The following SPEG variants were observed in gnomAD, a reference collection of about 807,000 sequenced individuals.
SPEG encodes the protein striated muscle preferentially expressed protein kinase.
In SPEG, 114 loss-of-function variants were observed where a neutral mutation model predicts 300.4. That is an observed-to-expected ratio of 0.38 (90% CI 0.33 to 0.44). The LOEUF (loss-of-function observed/expected upper bound fraction) is 0.44, where lower values mean the gene tolerates loss of function less well. Ranked by LOEUF, SPEG falls within the 20% of genes least tolerant of loss-of-function variation. The pLI is 1.00. For synonymous variants in SPEG, 1,964 were observed against 2,018.9 expected (o/e 0.97, Z 0.73); for missense variants, 4,201 against 4,586.2 (o/e 0.92, Z 2.43).
In SPEG at chr2:219,481,228, C is replaced by T; in HGVS notation, c.5370-76C>T. The stretch of plus-strand genomic sequence containing the variant: ...TCACAACCCCAGAGCCTCCATCTGT[C>T]CCCAGCCCTGTGCCCCCACTGACAT... On this transcript the variant is annotated intron_variant, in intron 26 of 40. Transcript: ENST00000312358. The surrounding 1 kb of genome is among the most constrained non-coding windows in gnomAD (Gnocchi z 5.4). 2.0e-6 allele frequency: 3 copies of T among 1,495,476 alleles called. No individual in the cohort carries two copies. The highest frequency in any genetic ancestry group is 1.8e-6 in the Non-Finnish European group (2 of 1,087,634). The allele number at this position is 1,495,476 out of a possible 1,614,324, so 92.6% of individuals were successfully genotyped here.
rs1693091168 is a variant in SPEG at position 219,483,744 on chromosome 2, G to C, written c.6281G>C (p.Ser2094Thr). The change falls in exon 30 of 41, where the codon AGC becomes ACC. Residue 2094 changes from serine (S) to threonine (T), a missense_variant. Physicochemically the swap from Ser to Thr is moderately conservative, Grantham distance 58. This residue lies in a region of SPEG where 1,578 missense variants were observed against 1,506.0 expected (regional missense o/e 1.05). Coordinates refer to ENST00000312358, the MANE Select transcript of SPEG (RefSeq NM_005876.5). ...VSGLRGPLLE[S>T]LGGRARDPRM... The stretch of plus-strand genomic sequence containing the variant: ...GGCCTCAGGGGTCCCCTGCTGGAGA[G>C]CCTGGGGGGCCGTGCTCGGGACCCC... 1 of 1,539,374 alleles carries C rather than the reference G, an allele frequency of 6.5e-7. No individual in the cohort carries two copies. The highest frequency in any genetic ancestry group is 1.4e-5 in the African/African-American group (1 of 73,352).
rs10932806 is a variant in SPEG at position 219,451,248 on chromosome 2, G to A, written c.2226G>A (p.Lys742=). The part of the protein sequence containing the change: ...VVAPGADVLL[K]CIITANPPPQ... ...CACCAGGGGCAGATGTGCTGCTCAA[G>A]TGTATCATCACTGCCAACCCCCCGC... The change falls in exon 5 of 41, where the codon AAG becomes AAA. Residue 742 remains lysine (K), a synonymous_variant. Coordinates refer to ENST00000312358, the MANE Select transcript of SPEG (RefSeq NM_005876.5). This position sits in a 1 kb window ranked among gnomAD's most constrained non-coding sequence, Gnocchi z 6.4. The A allele has an allele frequency of 0.51, 824,035 of 1,612,870 alleles. 215,961 individuals are homozygous for A. Among genetic ancestry groups the A allele is most frequent in the East Asian group, 0.63 (28,244 of 44,762 alleles).
At chr2:219,472,059 A>C in intron 14 of SPEG, 72 bp downstream of exon 14, 5 of 1,583,134 alleles carry the variant, frequency 3.2e-6, no homozygotes, top group Non-Finnish European at 4.3e-6. Context: ...GCTCAGGGAA[A>C]GGGGCCTCCA....
In SPEG at chr2:219,482,922, G is replaced by A. The variant is rs959434801; in HGVS notation, c.5634+70G>A. The A allele has an allele frequency of 3.5e-5, 53 of 1,516,358 alleles. No homozygotes were observed. In the African/African-American group the frequency reaches 4.1e-4, roughly 12 times the overall value. The allele number at this position is 1,516,358 out of a possible 1,614,324, so 93.9% of individuals were successfully genotyped here. On this transcript the variant is annotated intron_variant, in intron 29 of 40. Coordinates refer to ENST00000312358, the MANE Select transcript of SPEG (RefSeq NM_005876.5). The stretch of plus-strand genomic sequence containing the variant: ...TCTCTAGCACTGCCTTCCCCCTCCC[G>A]TGGGCCTTCATCTCCTGCTCCTGTC...
At position 219,489,877 on chromosome 2, in the gene SPEG, G is replaced by A. The variant is rs773167330; in HGVS notation, c.8859G>A (p.Glu2953=). Residue 2953 remains glutamate (E), a synonymous_variant, in exon 36 of 41, where the codon GAG becomes GAA. Coordinates refer to ENST00000312358, the MANE Select transcript of SPEG (RefSeq NM_005876.5). ...GSSPRSSPRP[E]GTTLRQGPPQ... ...GTCCCCGAAGCTCTCCCAGGCCTGA[G>A]GGTACCACTCTTCGACAGGGTCCCC... is the stretch of plus-strand genomic sequence containing the variant. The A allele has an allele frequency of 1.2e-6, 2 of 1,606,836 alleles. No individual in the cohort carries two copies.
chr2:219,448,647 G>A lies in SPEG; in HGVS notation c.1489G>A (p.Glu497Lys). Residue 497 changes from glutamate (E) to lysine (K), a missense_variant, in exon 4 of 41, where the codon GAG becomes AAG. Physicochemically the swap from Glu to Lys is moderately conservative, Grantham distance 56. Around this residue, in one of 4 missense-constraint regions of SPEG, gnomAD observed 1,258 missense variants for 1,293.9 expected, o/e 0.97. Coordinates refer to ENST00000312358, the MANE Select transcript of SPEG (RefSeq NM_005876.5). ...ASDLELRFAQ[E>K]LGRIRRSTSR... The stretch of plus-strand genomic sequence containing the variant: ...AGACCTCGAGCTGCGCTTCGCCCAG[G>A]AGCTGGGCCGCATCCGCCGCTCCAC... The A allele has an allele frequency of 1.3e-6, 2 of 1,491,348 alleles. No individual in the cohort carries two copies. Among genetic ancestry groups the A allele is most frequent in the Non-Finnish European group, 8.9e-7 (1 of 1,128,800 alleles). 92.4% of individuals were successfully genotyped at this position (1,491,348 alleles called of 1,614,324 possible).
intron 1 of SPEG, among the ~76,000 whole-genome samples, chr2:219,442,921 AAGAAGGCAGGGG>A (rs1689033613): frequency 6.6e-6 from 1 of 152,006 alleles, no homozygotes; most frequent in African/African-American, 2.4e-5. Context: ...GGTACCCTGG[AAGAAGGCAGGGG>A]AGTCATTCCC....
Position 219,451,888 on chromosome 2 carries a change from C to G in SPEG, c.2440+81C>G. The G allele has an allele frequency of 7.3e-7, 1 of 1,377,144 alleles. No individual in the cohort carries two copies. Among genetic ancestry groups the G allele is most frequent in the Non-Finnish European group, 9.7e-7 (1 of 1,035,376 alleles). The allele number at this position is 1,377,144 out of a possible 1,614,324, so 85.3% of individuals were successfully genotyped here. A position where few individuals can be genotyped will look rare whatever the true frequency, so the allele number is the denominator to read the frequency against. On this transcript the variant is annotated intron_variant, in intron 6 of 40. Coordinates refer to ENST00000312358, the MANE Select transcript of SPEG (RefSeq NM_005876.5). The surrounding 1 kb of genome is among the most constrained non-coding windows in gnomAD (Gnocchi z 6.4). The stretch of plus-strand genomic sequence containing the variant: ...GCCCAGGCCCCAGTCCACCTCCCTT[C>G]CCACTCTCAGCCTTGAGCTTGGGCA...
Position 219,444,107 on chromosome 2 carries a change from A to C in SPEG, c.389-546A>C, listed in dbSNP as rs767913415. On this transcript the variant is annotated intron_variant, in intron 1 of 40. Coordinates refer to ENST00000312358, the MANE Select transcript of SPEG (RefSeq NM_005876.5). This position sits in a 1 kb window ranked among gnomAD's most constrained non-coding sequence, Gnocchi z 7.8. ...AGCCCCCCGCATCCCCCCCTTTCCC[A>C]CCCGGCCCCGGCCTCTCCTCACCCT... The C allele has an allele frequency of 9.3e-6, 12 of 1,292,986 alleles. No homozygotes were observed. The highest frequency in any genetic ancestry group is 2.1e-5 in the Admixed American group (1 of 47,358). The allele number at this position is 1,292,986 out of a possible 1,614,324, so 80.1% of individuals were successfully genotyped here. A position where few individuals can be genotyped will look rare whatever the true frequency, so the allele number is the denominator to read the frequency against.
Position 219,493,236 on chromosome 2 carries a change from G to C in SPEG, c.*450G>C. 1 of 366,710 alleles carries C rather than the reference G, an allele frequency of 2.7e-6. No homozygotes were observed. Among genetic ancestry groups the C allele is most frequent in the Middle Eastern group, 7.4e-4 (1 of 1,356 alleles). 22.7% of individuals were successfully genotyped at this position (366,710 alleles called of 1,614,324 possible). Reference sequence around the variant, plus strand: ...AGTCAGTGTGGCAAAGCGGGGGCAGGACACAGATACAGTGGCAGGGGCCCA... The same window carrying C: ...AGTCAGTGTGGCAAAGCGGGGGCAGCACACAGATACAGTGGCAGGGGCCCA... On this transcript the variant is annotated 3_prime_UTR_variant, in exon 41 of 41. Coordinates refer to ENST00000312358, the MANE Select transcript of SPEG (RefSeq NM_005876.5).
Position 219,447,990 on chromosome 2 carries a change from G to T in SPEG, c.832G>T (p.Gly278Trp), listed in dbSNP as rs753254905. The T allele has an allele frequency of 1.2e-6, 2 of 1,612,538 alleles. No homozygotes were observed. The highest frequency in any genetic ancestry group is 1.7e-6 in the Non-Finnish European group (2 of 1,179,888). The change falls in exon 4 of 41, where the codon GGG becomes TGG. Residue 278 changes from glycine to tryptophan, a missense_variant. Physicochemically the swap from Gly to Trp is radical, Grantham distance 184. This residue lies in a region of SPEG where 1,258 missense variants were observed against 1,293.9 expected (regional missense o/e 0.97). Transcript: ENST00000312358. Reference protein sequence around the residue: ...LSIHVSVPQSGLRREEPDLQP... With the variant: ...LSIHVSVPQSWLRREEPDLQP... ...GTTCTGCAGCAGCGTCCCTCAGAGC[G>T]GGTTGCGCAGGGAGGAGCCCGACCT...
rs1439540607 is a variant in SPEG at position 219,464,270 on chromosome 2, A to G, written c.2706-163A>G. On this transcript the variant is annotated intron_variant, in intron 8 of 40. Transcript: ENST00000312358. This position sits in a 1 kb window ranked among gnomAD's most constrained non-coding sequence, Gnocchi z 4.5. ...GTGGGATGGCAGAGTGGGGGTAAAA[A>G]CCTAGCCCTGGAAACCAGGGATGCC... is the stretch of plus-strand genomic sequence containing the variant. Among the ~76,000 whole-genome samples the G allele has an allele frequency of 6.6e-6, 1 of 152,070 alleles. No homozygotes were observed. Among genetic ancestry groups the G allele is most frequent in the Non-Finnish European group, 1.5e-5 (1 of 68,002 alleles).
chr2:219,484,331 C>G lies in SPEG; in HGVS notation c.6868C>G (p.Pro2290Ala). ...ARVASPPPGA[P>A]EKRVPSAGGP... ...GGTGGCCTCCCCACCTCCGGGAGCCCCCGAGAAGCGCGTGCCCTCAGCCGG... is the reference window on the plus strand; with the variant it reads ...GGTGGCCTCCCCACCTCCGGGAGCCGCCGAGAAGCGCGTGCCCTCAGCCGG... Residue 2290 changes from proline to alanine, a missense_variant, in exon 30 of 41, where the codon CCC becomes GCC. Around this residue, in one of 4 missense-constraint regions of SPEG, gnomAD observed 1,578 missense variants for 1,506.0 expected, o/e 1.05. Coordinates refer to ENST00000312358, the MANE Select transcript of SPEG (RefSeq NM_005876.5). 1 of 1,604,302 alleles carries G rather than the reference C, an allele frequency of 6.2e-7. No individual in the cohort carries two copies. The highest frequency in any genetic ancestry group is 8.5e-7 in the Non-Finnish European group (1 of 1,178,636).
In SPEG at chr2:219,455,049, G is replaced by A. The variant is rs367733427; in HGVS notation, c.2440+3242G>A. ...GCCGAGGTTGCAGTAAGCCGAGATC[G>A]TGCCACTGCACTCCAGCCTGGGTGA... is the stretch of plus-strand genomic sequence containing the variant. On this transcript the variant is annotated intron_variant, in intron 6 of 40. Transcript: ENST00000312358. Among the ~76,000 whole-genome samples, 34 of 152,288 alleles carry A rather than the reference G, an allele frequency of 2.2e-4. 3 individuals are homozygous for A. The highest frequency in any genetic ancestry group is 7.9e-4 in the African/African-American group (33 of 41,566).
rs770603711 is a variant in SPEG, at chr2:219,461,969, C to A, written c.2528C>A (p.Thr843Asn). The A allele has an allele frequency of 3.7e-5, 59 of 1,613,648 alleles. No homozygotes were observed. Among genetic ancestry groups the A allele is most frequent in the Non-Finnish European group, 4.7e-5 (55 of 1,179,898 alleles). Residue 843 changes from threonine (T) to asparagine (N), a missense_variant, in exon 7 of 41, where the codon ACC becomes AAC. By Grantham distance (65) the Thr-to-Asn change is moderately conservative. Transcript: ENST00000312358. ...PPEEFPEPGE[T>N]WPRTPTMKPS... ...GAGGAGTTCCCAGAGCCTGGGGAGA[C>A]CTGGCCGCGAACCCCCACCATGAAG...
chr2:219,483,034 G>A lies in SPEG; in HGVS notation c.5635-64G>A, dbSNP rs1693004234. ...AGGCCTCTTCCCCAGGGCTGAGGTGGGCCTGGGGGGGACAATCCTGCCCCA... is the reference window on the plus strand; with the variant it reads ...AGGCCTCTTCCCCAGGGCTGAGGTGAGCCTGGGGGGGACAATCCTGCCCCA... On this transcript the variant is annotated intron_variant, in intron 29 of 40. Coordinates refer to ENST00000312358, the MANE Select transcript of SPEG (RefSeq NM_005876.5). The A allele has an allele frequency of 5.9e-6, 9 of 1,525,494 alleles. No individual in the cohort carries two copies. The South Asian group carries it at 1.1e-4, about 19-fold the overall frequency. 94.5% of individuals were successfully genotyped at this position (1,525,494 alleles called of 1,614,324 possible). A position where few individuals can be genotyped will look rare whatever the true frequency, so the allele number is the denominator to read the frequency against.
chr2:219,485,150 G>A, intron 30 of SPEG, 78 bp downstream of exon 30: 2 of 1,509,642 alleles, frequency 1.3e-6, no homozygotes, highest in Admixed American at 2.0e-5. Context: ...GAGGAGCAGA[G>A]GGCTGGGGAC....
rs375248712 is a variant in SPEG at position 219,492,745 on chromosome 2, C to T, written c.9763C>T (p.Arg3255Cys). The change falls in exon 41 of 41, where the codon CGC becomes TGC. Residue 3255 changes from arginine to cysteine, a missense_variant. Transcript: ENST00000312358. ...QRRRRAEAAT[R>C]HKVLLRSYPG... ...GCGGCGCCGGGCTGAGGCTGCCACCCGCCACAAGGTGCTGCTGCGCTCCTA... is the reference window on the plus strand; with the variant it reads ...GCGGCGCCGGGCTGAGGCTGCCACCTGCCACAAGGTGCTGCTGCGCTCCTA... 68 of 1,600,446 alleles carry T rather than the reference C, an allele frequency of 4.2e-5. No homozygotes were observed. Among genetic ancestry groups the T allele is most frequent in the Non-Finnish European group, 5.1e-5 (60 of 1,178,358 alleles).
intron 9 of SPEG, chr2:219,466,088 C>G (rs1375014268): frequency 1.3e-6 from 2 of 1,598,936 alleles, no homozygotes; most frequent in Non-Finnish European, 1.7e-6. Flanking sequence ...CCTGTGCTCC[C>G]CCCGCTACCC....
Sources: allele counts gnomAD v4.1 joint callset (sites outside exome capture counted in the v4.1 genomes callset), GRCh38; gene constraint gnomAD v4.1.1; regional missense constraint gnomAD v4.1.1; non-coding constraint Gnocchi (gnomAD v3.1); transcripts MANE v1.5; gene names NCBI Gene and HGNC (gene_info 2026-07-23, HGNC 2026-07-21).